Variants in ROS1 observed in about 807,000 individuals in gnomAD.
ROS1 encodes ROS proto-oncogene 1, receptor tyrosine kinase, also known as proto-oncogene tyrosine-protein kinase ROS.
ROS1 carries 263 observed loss-of-function variants against 273.5 expected under a neutral mutation model. The observed-to-expected ratio is 0.96, with a 90% CI of 0.87 to 1.06. The LOEUF (loss-of-function observed/expected upper bound fraction) is 1.06. Among genes scored for constraint, ROS1 ranks in the 50% least tolerant of loss-of-function variants. The pLI is 0.00. For missense variants in ROS1, 2,833 were observed against 2,751.1 expected, an observed-to-expected ratio of 1.03 and a Z score of -0.67; for synonymous variants, 1,008 against 954.1, an observed-to-expected ratio of 1.06 and a Z score of -1.04.
chr6:117,349,500 CTGTT>C (rs555271715), intron 27 of ROS1, among the ~76,000 whole-genome samples: 77 of 151,978 alleles, frequency 5.1e-4, no homozygotes, highest in Non-Finnish European at 9.0e-4. Flanking sequence ...ATAGTTGAGT[CTGTT>C]TGTTGATCCA....
intron 1 of ROS1, among the ~76,000 whole-genome samples, chr6:117,420,436 G>C (rs1320973823): frequency 3.3e-5 from 4 of 121,830 alleles, no homozygotes; most frequent in East Asian, 5.5e-4. Flanking sequence ...GTTGTGGGGT[G>C]GGGGGAGGGG....
chr6:117,402,658 C>T (rs771284853), intron 7 of ROS1, among the ~76,000 whole-genome samples: 17 of 152,100 alleles, frequency 1.1e-4, no homozygotes, highest in Non-Finnish European at 1.9e-4. Context: ...GAGGCCAAGG[C>T]GGGCAGATCA....
chr6:117,352,841 A>C, intron 27 of ROS1, 149 bp downstream of exon 27: 2 of 645,878 alleles, frequency 3.1e-6, no homozygotes, highest in Non-Finnish European at 5.2e-6. Context: ...AACAGCAATC[A>C]CAGTGCACAC....
chr6:117,343,993 G>T (rs1778160589), intron 28 of ROS1, 67 bp downstream of exon 28: 1 of 1,345,016 alleles, frequency 7.4e-7, no homozygotes, highest in Non-Finnish European at 1.1e-6. Flanking sequence ...ACTTTACTAT[G>T]GCTCATAATT....
chr6:117,350,833 T>C (rs555121434), intron 27 of ROS1, among the ~76,000 whole-genome samples: 1 of 152,254 alleles, frequency 6.6e-6, no homozygotes, highest in African/African-American at 2.4e-5. Context: ...ATCTCTAACA[T>C]TTCTTTTTTT....
intron 21 of ROS1, among the ~76,000 whole-genome samples, chr6:117,364,221 T>C (rs1490248814): frequency 2.0e-5 from 3 of 152,256 alleles, no homozygotes; most frequent in African/African-American, 7.2e-5. Flanking sequence ...TAGATGGATA[T>C]TGTTGAAATA....
intron 27 of ROS1, among the ~76,000 whole-genome samples, chr6:117,346,173 T>C (rs926220678): frequency 6.6e-5 from 10 of 152,180 alleles, no homozygotes; most frequent in African/African-American, 2.4e-4. Context: ...ATTTTGTCGT[T>C]CTTTTATTTA....
chr6:117,302,421 T>C lies in ROS1; in HGVS notation c.6552-1284A>G, dbSNP rs79099907. On this transcript the variant is annotated intron_variant, in intron 42 of 43. Coordinates refer to ENST00000368507, the MANE Select transcript of ROS1 (RefSeq NM_001378902.1). ...CCCACTGTGCCCTCCATATCTTTGATAGTCTCAGTGGCTAATCCAGAATTC... is the reference window on the plus strand; with the variant it reads ...CCCACTGTGCCCTCCATATCTTTGACAGTCTCAGTGGCTAATCCAGAATTC... Among the ~76,000 whole-genome samples the C allele has an allele frequency of 1.9e-3, 291 of 152,296 alleles. 4 individuals carry two copies. Among genetic ancestry groups the C allele is most frequent in the East Asian group, 0.016 (82 of 5,170 alleles).
chr6:117,298,875 C>G, intron 43 of ROS1, among the ~76,000 whole-genome samples: 1 of 152,130 alleles, frequency 6.6e-6, no homozygotes, highest in African/African-American at 2.4e-5. Flanking sequence ...TTTTAATTAT[C>G]AAAATTTTAT....
chr6:117,364,262 G>T (rs1780027560), intron 21 of ROS1, among the ~76,000 whole-genome samples: 1 of 152,134 alleles, frequency 6.6e-6, no homozygotes, highest in Non-Finnish European at 1.5e-5. Context: ...AATGGAGAAT[G>T]GATATCTATA....
chr6:117,298,906 G>C (rs1487831533), intron 43 of ROS1, among the ~76,000 whole-genome samples: 2 of 152,106 alleles, frequency 1.3e-5, no homozygotes, highest in Non-Finnish European at 2.9e-5. Context: ...GTCTCATTAA[G>C]TAAATGCTTA....
intron 2 of ROS1, among the ~76,000 whole-genome samples, chr6:117,417,793 C>T (rs1775447447): frequency 6.6e-6 from 1 of 152,194 alleles, no homozygotes; most frequent in Non-Finnish European, 1.5e-5. Flanking sequence ...GCTTTTTCCC[C>T]TCTAGTCCAT....
intron 43 of ROS1, among the ~76,000 whole-genome samples, chr6:117,294,879 T>C (rs1453665082): frequency 6.6e-6 from 1 of 152,160 alleles, no homozygotes; most frequent in East Asian, 1.9e-4. Flanking sequence ...AAAATGGCCA[T>C]ACTGCCCAAA....
Position 117,396,810 on chromosome 6 carries a change from G to A in ROS1, c.806+105C>T, listed in dbSNP as rs182940780. 9.0e-4 allele frequency: 745 copies of A among 828,536 alleles called. 3 individuals carry two copies. In the African/African-American group the frequency reaches 0.011, roughly 13 times the overall value. 51.3% of individuals were successfully genotyped at this position (828,536 alleles called of 1,614,324 possible). ...AACCCAACACCATGGAGTCAGTGGC[G>A]CTTCTCAAAGCACATTTAAACTATT... On this transcript the variant is annotated intron_variant, in intron 8 of 43. Transcript: ENST00000368507.
chr6:117,314,595 C>A (rs918202839), intron 39 of ROS1, among the ~76,000 whole-genome samples: 15 of 152,140 alleles, frequency 9.9e-5, no homozygotes, highest in Non-Finnish European at 1.8e-4. Flanking sequence ...ACCAGAACAA[C>A]TCCAAGTTCA....
intron 43 of ROS1, among the ~76,000 whole-genome samples, chr6:117,290,225 T>A (rs1016989447): frequency 2.3e-4 from 35 of 152,316 alleles, no homozygotes; most frequent in African/African-American, 7.9e-4. Context: ...AAATAATATT[T>A]TATATGAGGC....
chr6:117,383,021 T>G (rs1321655360), intron 17 of ROS1, among the ~76,000 whole-genome samples: 1 of 152,122 alleles, frequency 6.6e-6, no homozygotes, highest in African/African-American at 2.4e-5. Flanking sequence ...AAAACAGTTA[T>G]AAATTAAAAT....
rs1218175401 is a variant in ROS1 at position 117,394,284 on chromosome 6, T to C, written c.1069A>G (p.Lys357Glu). The change falls in exon 11 of 44, where the codon AAG becomes GAG. Residue 357 changes from lysine (K) to glutamate (E), a missense_variant. Physicochemically the swap from Lys to Glu is moderately conservative, Grantham distance 56. Coordinates refer to ENST00000368507, the MANE Select transcript of ROS1 (RefSeq NM_001378902.1). Reference sequence around the variant, plus strand: ...ACATCAGACATGTTGGCAGCCTTCTTCGCCCATATGAGAGTTCCTTCAGAG... The same window carrying C: ...ACATCAGACATGTTGGCAGCCTTCTCCGCCCATATGAGAGTTCCTTCAGAG... ...YFSEGTLIWAKKAANMSDVSD... is the reference protein window; with the variant it reads ...YFSEGTLIWAEKAANMSDVSD... 3.1e-6 allele frequency: 5 copies of C among 1,610,524 alleles called. No homozygotes were observed. Among genetic ancestry groups the C allele is most frequent in the African/African-American group, 2.7e-5 (2 of 74,776 alleles).
chr6:117,329,653 G>A (rs111895909), intron 32 of ROS1, among the ~76,000 whole-genome samples: 21 of 152,070 alleles, frequency 1.4e-4, no homozygotes, highest in Non-Finnish European at 2.1e-4. Flanking sequence ...CACCGGCAAG[G>A]TATCTAGATT....
Sources: gnomAD v4.1 joint callset for allele counts (sites outside exome capture counted in the v4.1 genomes callset) on GRCh38, gnomAD v4.1.1 for gene constraint, MANE v1.5 for transcripts, NCBI Gene and HGNC (gene_info 2026-07-23, HGNC 2026-07-21) for gene names.